The following TDRD10 variants were observed in gnomAD, a reference collection of about 807,000 sequenced individuals.
The protein encoded by TDRD10 is tudor domain-containing protein 10.
In TDRD10, 40 loss-of-function variants were observed where a neutral mutation model predicts 48.0. The observed-to-expected ratio is 0.83, with a 90% CI of 0.65 to 1.09. The LOEUF (loss-of-function observed/expected upper bound fraction) is 1.09, where lower values mean the gene tolerates loss of function less well. Ranked by LOEUF, TDRD10 falls within the 50% of genes least tolerant of loss-of-function variation. The pLI, the probability that TDRD10 is intolerant of heterozygous loss-of-function variation, is 0.00. For synonymous variants in TDRD10, 162 were observed against 170.4 expected, an observed-to-expected ratio of 0.95 and a Z score of 0.38; for missense variants, 378 against 434.7, an observed-to-expected ratio of 0.87 and a Z score of 1.16.
At chr1:154,508,610 G>A (rs554397146) in intron 4 of TDRD10, 129 bp downstream of exon 4, 5 of 699,244 alleles carry the variant, frequency 7.2e-6, no homozygotes, top group South Asian at 1.6e-5. Context: ...ACAGTCACTC[G>A]TTGGTGACTA....
chr1:154,517,827 G>T (rs573913507), intron 4 of TDRD10, among the ~76,000 whole-genome samples: 6 of 152,224 alleles, frequency 3.9e-5, no homozygotes, highest in Non-Finnish European at 7.3e-5. Context: ...CGGCTTGTAC[G>T]CATATCGGTG....
At chr1:154,515,449 C>G (rs984286642) in intron 4 of TDRD10, among the ~76,000 whole-genome samples, 1 of 152,206 alleles carries the variant, frequency 6.6e-6, no homozygotes. Context: ...GAATCCCTTG[C>G]GGCCCTGTGT....
At chr1:154,533,303 C>T (rs568868604) in intron 6 of TDRD10, among the ~76,000 whole-genome samples, 72 of 151,052 alleles carry the variant, frequency 4.8e-4, no homozygotes, top group Non-Finnish European at 7.1e-4. Context: ...TTCTGTCTTC[C>T]TAGCCTGTCT....
intron 6 of TDRD10, among the ~76,000 whole-genome samples, chr1:154,531,230 C>T (rs1413000579): frequency 2.0e-5 from 3 of 152,140 alleles, no homozygotes; most frequent in Non-Finnish European, 2.9e-5. Flanking sequence ...AGCATTTTGT[C>T]GTGGCTGCTT....
At chr1:154,519,938 G>A (rs1693970935) in intron 4 of TDRD10, among the ~76,000 whole-genome samples, 1 of 152,164 alleles carries the variant, frequency 6.6e-6, no homozygotes, top group Non-Finnish European at 1.5e-5. Flanking sequence ...CAGTGAGGAG[G>A]AGGTACTCGC....
At chr1:154,517,703 T>C (rs1330227652) in intron 4 of TDRD10, among the ~76,000 whole-genome samples, 1 of 152,232 alleles carries the variant, frequency 6.6e-6, no homozygotes, top group Non-Finnish European at 1.5e-5. Context: ...ATTACAGGCA[T>C]GAGCCACCGC....
intron 4 of TDRD10, among the ~76,000 whole-genome samples, chr1:154,510,842 C>T (rs887989580): frequency 6.6e-6 from 1 of 151,274 alleles, no homozygotes; most frequent in Non-Finnish European, 1.5e-5. Flanking sequence ...TTCAGGAGCT[C>T]GAGATCATCC....
At chr1:154,531,959 T>C (rs1421002220) in intron 6 of TDRD10, among the ~76,000 whole-genome samples, 1 of 152,214 alleles carries the variant, frequency 6.6e-6, no homozygotes, top group African/African-American at 2.4e-5. Flanking sequence ...TTGGTGTATT[T>C]ACAATCCCTT....
At chr1:154,542,391 C>T (rs1434562598) in intron 7 of TDRD10, among the ~76,000 whole-genome samples, 1 of 152,188 alleles carries the variant, frequency 6.6e-6, no homozygotes, top group East Asian at 1.9e-4. Flanking sequence ...CCATGCCTGG[C>T]TAATTGTTAA....
chr1:154,545,103 A>C (rs1016808341), intron 11 of TDRD10, among the ~76,000 whole-genome samples, 154 bp downstream of exon 11: 2 of 152,106 alleles, frequency 1.3e-5, no homozygotes, highest in African/African-American at 4.8e-5. Context: ...GACCCCTGCA[A>C]AGCTGCCTCT....
intron 4 of TDRD10, chr1:154,509,892 C>T: frequency 2.0e-6 from 2 of 983,920 alleles, no homozygotes; most frequent in Non-Finnish European, 2.4e-6. Context: ...AGCAGTTCTG[C>T]CACCTCTCTC....
chr1:154,515,088 G>A (rs1040055497), intron 4 of TDRD10, among the ~76,000 whole-genome samples: 1 of 151,752 alleles, frequency 6.6e-6, no homozygotes, highest in African/African-American at 2.4e-5. Flanking sequence ...TGCTGGTCTC[G>A]AACACCTGAC....
chr1:154,546,787 C>G lies in TDRD10; in HGVS notation c.953-622C>G, dbSNP rs528667333. Among the ~76,000 whole-genome samples, 6 of 152,266 alleles carry G rather than the reference C, an allele frequency of 3.9e-5. No homozygotes were observed. The South Asian group carries it at 1.2e-3, about 32-fold the overall frequency. ...GTCAGACAAGCGTCAGTTTTCCTCCCTTTATGGATGAGGAAAATACAGCTC... is the reference window on the plus strand; with the variant it reads ...GTCAGACAAGCGTCAGTTTTCCTCCGTTTATGGATGAGGAAAATACAGCTC... On this transcript the variant is annotated intron_variant, in intron 11 of 12. Coordinates refer to ENST00000368482, the MANE Select transcript of TDRD10 (RefSeq NM_182499.4).
At chr1:154,529,224 C>T (rs941381842) in intron 6 of TDRD10, among the ~76,000 whole-genome samples, 8 of 152,032 alleles carry the variant, frequency 5.3e-5, no homozygotes, top group Non-Finnish European at 1.0e-4. Context: ...GGATTACAGG[C>T]ATGTGCCACC....
intron 4 of TDRD10, among the ~76,000 whole-genome samples, chr1:154,516,003 C>T (rs1693743220): frequency 2.0e-5 from 3 of 152,184 alleles, no homozygotes; most frequent in Non-Finnish European, 4.4e-5. Flanking sequence ...AGGCATGAGG[C>T]ACCGTGCCTG....
intron 4 of TDRD10, chr1:154,509,842 AC>A: frequency 1.0e-6 from 1 of 985,364 alleles, no homozygotes; most frequent in Non-Finnish European, 1.2e-6. Context: ...GAGGAGCCCT[AC>A]ATGTGGTTCC....
intron 7 of TDRD10, among the ~76,000 whole-genome samples, chr1:154,542,377 A>C (rs1359849104): frequency 6.6e-6 from 1 of 152,190 alleles, no homozygotes; most frequent in Non-Finnish European, 1.5e-5. Context: ...ATAGGTGTGC[A>C]TCGCCATGCC....
chr1:154,547,439 G>A lies in TDRD10; in HGVS notation c.983G>A (p.Arg328Gln), dbSNP rs867865962. 7 of 1,614,040 alleles carry A rather than the reference G, an allele frequency of 4.3e-6. No homozygotes were observed. In the Admixed American group the frequency reaches 5.0e-5, roughly 12 times the overall value. The change falls in exon 12 of 13, where the codon CGA (arginine) becomes CAA (glutamine). Residue 328 changes from arginine (R) to glutamine (Q), a missense_variant. Around this residue, in one of 2 missense-constraint regions of TDRD10, gnomAD observed 68 missense variants for 111.1 expected, o/e 0.61. Coordinates refer to ENST00000368482, the MANE Select transcript of TDRD10 (RefSeq NM_182499.4). ...DILSSYEVVHRILKGKITGAL... is the reference protein window; with the variant it reads ...DILSSYEVVHQILKGKITGAL... ...TTGAGTTCGTATGAGGTTGTCCATC[G>A]AATCCTCAAAGGGAAAATCACTGGT...
Position 154,536,100 on chromosome 1 carries a change from G to A in TDRD10, c.370-5924G>A, listed in dbSNP as rs1017593682. On this transcript the variant is annotated intron_variant, in intron 6 of 12. Coordinates refer to ENST00000368482, the MANE Select transcript of TDRD10 (RefSeq NM_182499.4). Reference sequence around the variant, plus strand: ...AATTCCTAAGAAAAGGTTGCAGGCCGGGCGCAGTGGCTCACGCCTGTAATC... The same window carrying A: ...AATTCCTAAGAAAAGGTTGCAGGCCAGGCGCAGTGGCTCACGCCTGTAATC... Among the ~76,000 whole-genome samples the A allele has an allele frequency of 3.3e-4, 51 of 152,348 alleles. 1 individual carries two copies. Among genetic ancestry groups the A allele is most frequent in the African/African-American group, 1.2e-3 (50 of 41,564 alleles).
Sources: allele counts gnomAD v4.1 joint callset (sites outside exome capture counted in the v4.1 genomes callset), GRCh38; gene constraint gnomAD v4.1.1; regional missense constraint gnomAD v4.1.1; transcripts MANE v1.5; gene names NCBI Gene and HGNC (gene_info 2026-07-23, HGNC 2026-07-21).